Variants in TANC1 observed in about 807,000 individuals in gnomAD.
TANC1 encodes protein TANC1.
A neutral mutation model predicts 149.7 loss-of-function variants in TANC1; 77 were observed. The ratio of observed to expected loss-of-function variants is 0.51; its 90% CI spans 0.43 to 0.62. The LOEUF is 0.62. TANC1 is among the 20% of genes least tolerant of loss of function. The pLI is 0.00. For missense variants in TANC1, 1,985 were observed against 2,321.8 expected (o/e 0.85, Z 2.98); for synonymous variants, 854 against 925.0 (o/e 0.92, Z 1.39).
intron 2 of TANC1, among the ~76,000 whole-genome samples, chr2:159,048,669 T>A (rs2041250152): frequency 6.6e-6 from 1 of 152,246 alleles, no homozygotes; most frequent in South Asian, 2.1e-4. Context: ...GAAACGACCT[T>A]GTTTATAGCA....
intron 4 of TANC1, 110 bp from the exon 5 acceptor site, chr2:159,136,084 G>C: frequency 9.4e-6 from 6 of 640,956 alleles, no homozygotes; most frequent in Non-Finnish European, 1.7e-5. Flanking sequence ...GGAAGGCACT[G>C]GCTCTTCCTC....
At chr2:159,080,220 T>C (rs1048089156) in intron 3 of TANC1, among the ~76,000 whole-genome samples, 1 of 152,192 alleles carries the variant, frequency 6.6e-6, no homozygotes, top group Non-Finnish European at 1.5e-5. Context: ...CCACCTCTTG[T>C]ATTTTGGGAG....
At chr2:159,079,870 C>G (rs1312554669) in intron 3 of TANC1, among the ~76,000 whole-genome samples, 1 of 152,164 alleles carries the variant, frequency 6.6e-6, no homozygotes, top group Non-Finnish European at 1.5e-5. Context: ...TTGAAAATAT[C>G]CTTTTGCCCC....
Position 159,163,558 on chromosome 2 carries a change from C to T in TANC1, c.946+12C>T. 1 of 1,605,362 alleles carries T rather than the reference C, an allele frequency of 6.2e-7. No homozygotes were observed. The highest frequency in any genetic ancestry group is 8.5e-7 in the Non-Finnish European group (1 of 1,174,952). ...CAACTCAGTTGCAGGTAAGGCCACA[C>T]CTTTCCCTGGAAGGATTATCTCAGG... is the stretch of plus-strand genomic sequence containing the variant. On this transcript the variant is annotated intron_variant, in intron 8 of 26. Coordinates refer to ENST00000263635, the MANE Select transcript of TANC1 (RefSeq NM_033394.3).
chr2:159,225,548 C>A, intron 23 of TANC1, 140 bp from the exon 24 acceptor site: 1 of 677,654 alleles, frequency 1.5e-6, no homozygotes. Flanking sequence ...TCGCCGGCGT[C>A]CTGCTCCCTC....
chr2:159,046,901 C>T (rs762001601), intron 2 of TANC1, among the ~76,000 whole-genome samples: 3 of 151,946 alleles, frequency 2.0e-5, no homozygotes, highest in Non-Finnish European at 2.9e-5. Flanking sequence ...CATGGTGCCC[C>T]GCCCCTTTGC....
intron 2 of TANC1, among the ~76,000 whole-genome samples, chr2:159,029,690 A>G (rs964266631): frequency 5.3e-5 from 8 of 152,126 alleles, no homozygotes; most frequent in African/African-American, 1.9e-4. Context: ...CAGTCTCCTG[A>G]GTAGCTAAGA....
intron 1 of TANC1, among the ~76,000 whole-genome samples, chr2:158,997,883 A>G (rs1466620088): frequency 1.3e-5 from 2 of 152,096 alleles, no homozygotes; most frequent in Non-Finnish European, 2.9e-5. Flanking sequence ...GAATTTAGTG[A>G]CTCACTTCTA....
chr2:159,110,654 T>C (rs530128482), intron 4 of TANC1, among the ~76,000 whole-genome samples: 1 of 152,282 alleles, frequency 6.6e-6, no homozygotes, highest in South Asian at 2.1e-4. Context: ...AACTAAGACA[T>C]AGGACAAGTG....
intron 4 of TANC1, among the ~76,000 whole-genome samples, chr2:159,131,778 C>G (rs576037950): frequency 6.6e-6 from 1 of 152,292 alleles, no homozygotes; most frequent in Non-Finnish European, 1.5e-5. Context: ...ACAATAAAAC[C>G]TATGGTTATA....
chr2:159,230,025 C>G lies in TANC1; in HGVS notation c.4599C>G (p.Ile1533Met). The G allele has an allele frequency of 1.2e-6, 2 of 1,614,046 alleles. No homozygotes were observed. Among genetic ancestry groups the G allele is most frequent in the Non-Finnish European group, 1.7e-6 (2 of 1,180,032 alleles). ...TGCAGCCCTCCAAGCAGGCCCAGAT[C>G]GTGAAAACCAGCCAGCACCTGGGCT... is the stretch of plus-strand genomic sequence containing the variant. ...LLLQPSKQAQ[I>M]VKTSQHLGSG... Residue 1533 changes from isoleucine to methionine, a missense_variant, in exon 27 of 27, where the codon ATC becomes ATG. Ile to Met is a conservative substitution (Grantham distance 10). Transcript: ENST00000263635. This position sits in a 1 kb window ranked among gnomAD's most constrained non-coding sequence, Gnocchi z 4.4.
intron 4 of TANC1, among the ~76,000 whole-genome samples, chr2:159,126,938 A>G (rs1429489008): frequency 6.6e-6 from 1 of 152,222 alleles, no homozygotes; most frequent in Non-Finnish European, 1.5e-5. Context: ...ATATATAACA[A>G]TTTTAGTACA....
chr2:159,009,944 A>G (rs1234792531), intron 2 of TANC1, among the ~76,000 whole-genome samples: 1 of 152,220 alleles, frequency 6.6e-6, no homozygotes, highest in Non-Finnish European at 1.5e-5. Context: ...AATTGACAAC[A>G]TTTCAGCAAT....
intron 9 of TANC1, 22 bp from the exon 10 acceptor site, chr2:159,170,502 A>AT (rs748128556): frequency 6.3e-5 from 98 of 1,550,438 alleles, no homozygotes; most frequent in East Asian, 4.3e-4. Context: ...TTTTTCTAAA[A>AT]TTTTTTTTTC....
In TANC1 at chr2:159,116,582, G is replaced by A. The variant is rs145795054; in HGVS notation, c.259+18748G>A. ...TATCTCAGGCTTTGAGGGCCACACA[G>A]TCCCTGTTGCGACTATGTAACTCTG... is the stretch of plus-strand genomic sequence containing the variant. On this transcript the variant is annotated intron_variant, in intron 4 of 26. Coordinates refer to ENST00000263635, the MANE Select transcript of TANC1 (RefSeq NM_033394.3). 3.4e-3 allele frequency among the ~76,000 whole-genome samples: 523 copies of A among 152,290 alleles called. 3 individuals carry two copies. Among genetic ancestry groups the A allele is most frequent in the African/African-American group, 0.012 (499 of 41,560 alleles).
intron 4 of TANC1, among the ~76,000 whole-genome samples, chr2:159,129,390 C>T (rs761375257): frequency 1.6e-4 from 25 of 152,188 alleles, no homozygotes; most frequent in Admixed American, 2.6e-4. Flanking sequence ...GAAAACTGGC[C>T]GCTGGGAAAG....
intron 3 of TANC1, among the ~76,000 whole-genome samples, chr2:159,077,003 GA>G (rs1184542512): frequency 6.7e-6 from 1 of 148,712 alleles, no homozygotes; most frequent in African/African-American, 2.5e-5. Flanking sequence ...TTTTCCTTTA[GA>G]TTTTTTTTTC....
intron 2 of TANC1, among the ~76,000 whole-genome samples, chr2:159,009,975 C>A: frequency 6.6e-6 from 1 of 151,826 alleles, no homozygotes. Context: ...TGTGAATTAA[C>A]AATTAAAATA....
chr2:159,211,832 G>A (rs1231605030), intron 19 of TANC1, among the ~76,000 whole-genome samples: 4 of 152,170 alleles, frequency 2.6e-5, no homozygotes, highest in Admixed American at 1.3e-4. Flanking sequence ...TTTTAAGCCT[G>A]AGCATAGTCT....
Sources: gnomAD v4.1 joint callset for allele counts (sites outside exome capture counted in the v4.1 genomes callset) on GRCh38, gnomAD v4.1.1 for gene constraint, Gnocchi (gnomAD v3.1) non-coding constraint, MANE v1.5 for transcripts, NCBI Gene and HGNC (gene_info 2026-07-23, HGNC 2026-07-21) for gene names.